The following PCDHA11 variants were observed in gnomAD, a reference collection of about 807,000 sequenced individuals.
PCDHA11 encodes the protein protocadherin alpha 11.
Under a neutral mutation model 70.3 loss-of-function variants are expected in PCDHA11, and 61 were observed. That is an observed-to-expected ratio of 0.87 (90% CI 0.71 to 1.07). PCDHA11 has a LOEUF of 1.07. PCDHA11 is among the 50% of genes least tolerant of loss of function. The pLI is 0.00. For missense variants in PCDHA11, 1,324 were observed against 1,237.5 expected (o/e 1.07, Z -1.05); for synonymous variants, 633 against 555.1 (o/e 1.14, Z -1.97).
chr5:140,934,000 A>G (rs2089557025), intron 1 of PCDHA11, among the ~76,000 whole-genome samples: 1 of 151,350 alleles, frequency 6.6e-6, no homozygotes, highest in Non-Finnish European at 1.5e-5. Context: ...GTCACCTCTC[A>G]TTTTTCTTGA....
At chr5:140,879,335 C>T (rs1388490473) in intron 1 of PCDHA11, among the ~76,000 whole-genome samples, 1 of 152,072 alleles carries the variant, frequency 6.6e-6, no homozygotes, top group Non-Finnish European at 1.5e-5. Context: ...TTAGTTTGTT[C>T]AGCTGAGAAG....
chr5:140,998,059 C>T (rs1471709750), intron 3 of PCDHA11, among the ~76,000 whole-genome samples: 1 of 152,154 alleles, frequency 6.6e-6, no homozygotes, highest in East Asian at 1.9e-4. Context: ...ACATCATCAT[C>T]AACAGACTTA....
chr5:140,927,482 C>G, intron 1 of PCDHA11: 1 of 1,614,086 alleles, frequency 6.2e-7, no homozygotes, highest in Non-Finnish European at 8.5e-7. Flanking sequence ...GAACAGCGCG[C>G]CACCCACCTG....
At chr5:140,921,834 A>G (rs2080429595) in intron 1 of PCDHA11, among the ~76,000 whole-genome samples, 1 of 152,142 alleles carries the variant, frequency 6.6e-6, no homozygotes, top group Non-Finnish European at 1.5e-5. Context: ...ATACACATAT[A>G]GACATATTTA....
chr5:140,884,271 C>T, intron 1 of PCDHA11: 1 of 1,613,540 alleles, frequency 6.2e-7, no homozygotes, highest in Non-Finnish European at 8.5e-7. Flanking sequence ...GTGCTGTTGT[C>T]GCTGGTGGAG....
At chr5:140,922,107 T>C (rs1250364037) in intron 1 of PCDHA11, among the ~76,000 whole-genome samples, 1 of 152,028 alleles carries the variant, frequency 6.6e-6, no homozygotes, top group East Asian at 1.9e-4. Context: ...TATAGATAAA[T>C]GAAAATTCAC....
chr5:140,926,713 C>T (rs1018008271), intron 1 of PCDHA11: 2 of 944,684 alleles, frequency 2.1e-6, no homozygotes, highest in Non-Finnish European at 2.9e-6. Context: ...CTGGCCAGCC[C>T]CGGCAATGCC....
In PCDHA11 at chr5:140,872,848, A is replaced by G. The variant is rs531539520; in HGVS notation, c.2391+1354A>G. ...AGCAGAGAAAAAATTAAATATATTA[A>G]TGTGAGTACCTACTGACAATTATCA... On this transcript the variant is annotated intron_variant, in intron 1 of 3. Transcript: ENST00000398640. Among the ~76,000 whole-genome samples the G allele has an allele frequency of 3.3e-5, 5 of 152,332 alleles. No individual in the cohort carries two copies. The South Asian group carries it at 1.0e-3, about 32-fold the overall frequency.
chr5:140,932,125 A>G (rs1272736604), intron 1 of PCDHA11, among the ~76,000 whole-genome samples: 1 of 151,932 alleles, frequency 6.6e-6, no homozygotes, highest in African/African-American at 2.4e-5. Context: ...ATAATATTTA[A>G]GATATAAACA....
At chr5:140,958,744 A>G (rs1421311606) in intron 1 of PCDHA11, among the ~76,000 whole-genome samples, 1 of 152,156 alleles carries the variant, frequency 6.6e-6, no homozygotes, top group Non-Finnish European at 1.5e-5. Context: ...AAAGAGAGAA[A>G]GGAGATTTTT....
rs782559553 is a variant in PCDHA11 at position 140,871,176 on chromosome 5, G to A, written c.2073G>A (p.Ala691=). 7.4e-6 allele frequency: 12 copies of A among 1,613,416 alleles called. No individual in the cohort carries two copies. The highest frequency in any genetic ancestry group is 1.0e-5 in the Non-Finnish European group (12 of 1,179,958). ...TLAGAASPEA[A]LVDVNVYLII... is the part of the protein sequence containing the mutation. ...CGGGCGCCGCGAGCCCAGAGGCTGCGCTGGTGGATGTCAACGTGTACCTGA... is the reference window on the plus strand; with the variant it reads ...CGGGCGCCGCGAGCCCAGAGGCTGCACTGGTGGATGTCAACGTGTACCTGA... The change falls in exon 1 of 4, where the codon GCG becomes GCA. Residue 691 remains alanine (A), a synonymous_variant. Coordinates refer to ENST00000398640, the MANE Select transcript of PCDHA11 (RefSeq NM_018902.5).
Position 141,010,422 on chromosome 5 carries a change from G to A in PCDHA11, c.*485G>A. The A allele has an allele frequency of 8.7e-7, 1 of 1,145,442 alleles. No homozygotes were observed. Among genetic ancestry groups the A allele is most frequent in the Non-Finnish European group, 1.2e-6 (1 of 836,490 alleles). The allele number at this position is 1,145,442 out of a possible 1,614,324, so 71.0% of individuals were successfully genotyped here. A position where few individuals can be genotyped will look rare whatever the true frequency, so the allele number is the denominator to read the frequency against. On this transcript the variant is annotated 3_prime_UTR_variant, in exon 4 of 4. Transcript: ENST00000398640. ...AGCTTAGACTAATTGGTACAAGGAA[G>A]GCAAGAAAACAAAGACAAATAAACA... is the stretch of plus-strand genomic sequence containing the variant.
intron 1 of PCDHA11, among the ~76,000 whole-genome samples, chr5:140,963,244 T>C (rs934081934): frequency 6.6e-6 from 1 of 151,988 alleles, no homozygotes; most frequent in Non-Finnish European, 1.5e-5. Flanking sequence ...ATGGATTAGG[T>C]AGGTTTTCAT....
chr5:140,890,702 A>G (rs552792120), intron 1 of PCDHA11, among the ~76,000 whole-genome samples: 1 of 152,318 alleles, frequency 6.6e-6, no homozygotes, highest in African/African-American at 2.4e-5. Flanking sequence ...GGGACCTTAC[A>G]TTTTTAAAAT....
Position 140,870,806 on chromosome 5 carries a change from A to AGAGT in PCDHA11, c.1704_1705insAGTG (p.Ala569SerfsTer10). On this transcript the variant is annotated frameshift_variant, in exon 1 of 4. Coordinates refer to ENST00000398640, the MANE Select transcript of PCDHA11 (RefSeq NM_018902.5). LOFTEE classifies it high-confidence loss of function. ...AACGCGCCGGCACTGCTGGCGACTC[A>AGAGT]GGCTGGCAGCGCGGGAGGCGCAGTT... 1 of 1,613,688 alleles carries AGAGT rather than the reference A, an allele frequency of 6.2e-7. No individual in the cohort carries two copies. Among genetic ancestry groups the AGAGT allele is most frequent in the Non-Finnish European group, 8.5e-7 (1 of 1,179,870 alleles).
intron 1 of PCDHA11, among the ~76,000 whole-genome samples, chr5:140,913,185 G>A (rs1331767738): frequency 2.6e-5 from 4 of 152,166 alleles, no homozygotes; most frequent in African/African-American, 9.7e-5. Flanking sequence ...TAAATGTTTG[G>A]TAGAATTTGG....
At chr5:140,946,237 A>C (rs540442862) in intron 1 of PCDHA11, among the ~76,000 whole-genome samples, 8 of 152,268 alleles carry the variant, frequency 5.3e-5, no homozygotes, top group African/African-American at 1.9e-4. Context: ...AAAAATGCTC[A>C]ACATCATGAA....
Position 140,951,565 on chromosome 5 carries a change from T to G in PCDHA11, c.2392-27384T>G, listed in dbSNP as rs151148481. Among the ~76,000 whole-genome samples the G allele has an allele frequency of 1.4e-3, 220 of 152,132 alleles. 1 individual carries two copies. Among genetic ancestry groups the G allele is most frequent in the African/African-American group, 4.9e-3 (203 of 41,508 alleles). ...GGACGGGGGGAAGTGCTACGCACTT[T>G]TAAACAACCAGATTTCACGAGATCT... On this transcript the variant is annotated intron_variant, in intron 1 of 3. Transcript: ENST00000398640.
intron 1 of PCDHA11, among the ~76,000 whole-genome samples, chr5:140,919,654 C>CAT (rs1554199189): frequency 6.6e-6 from 1 of 151,822 alleles, no homozygotes; most frequent in African/African-American, 2.4e-5. Context: ...TAGAGTTTAC[C>CAT]ATATATATTT....
Sources: allele counts gnomAD v4.1 joint callset (sites outside exome capture counted in the v4.1 genomes callset), GRCh38; gene constraint gnomAD v4.1.1; transcripts MANE v1.5; gene names NCBI Gene and HGNC (gene_info 2026-07-23, HGNC 2026-07-21).